The following MEGF10 variants were observed in gnomAD, a reference collection of about 807,000 sequenced individuals.
The protein encoded by MEGF10 is multiple EGF like domains 10, also known as multiple epidermal growth factor-like domains protein 10.
MEGF10 carries 86 observed loss-of-function variants against 147.5 expected under a neutral mutation model. The observed-to-expected ratio is 0.58, with a 90% CI of 0.49 to 0.70. The LOEUF (loss-of-function observed/expected upper bound fraction) is 0.70. Among genes scored for constraint, MEGF10 ranks in the 30% least tolerant of loss-of-function variants. The probability of loss-of-function intolerance (pLI) is 0.00; values close to 1 mark genes in which losing one functional copy is unlikely to be tolerated. For synonymous variants in MEGF10, 478 were observed against 525.5 expected, an observed-to-expected ratio of 0.91 and a Z score of 1.24; for missense variants, 1,329 against 1,487.3, an observed-to-expected ratio of 0.89 and a Z score of 1.75.
chr5:127,418,579 G>A (rs1355420934), intron 10 of MEGF10, among the ~76,000 whole-genome samples: 1 of 152,164 alleles, frequency 6.6e-6, no homozygotes, highest in Non-Finnish European at 1.5e-5. Flanking sequence ...TGTTTTGAAA[G>A]GAGATGACCT....
At chr5:127,441,791 CA>C (rs1371027406) in intron 18 of MEGF10, among the ~76,000 whole-genome samples, 1 of 152,086 alleles carries the variant, frequency 6.6e-6, no homozygotes, top group African/African-American at 2.4e-5. Context: ...AGGACTCTGA[CA>C]ATAAAGCACC....
At chr5:127,365,780 C>T (rs945203189) in intron 4 of MEGF10, among the ~76,000 whole-genome samples, 3 of 152,094 alleles carry the variant, frequency 2.0e-5, no homozygotes, top group African/African-American at 7.2e-5. Context: ...AAGATCGGTG[C>T]AGAAAAGAAA....
intron 1 of MEGF10, among the ~76,000 whole-genome samples, chr5:127,310,464 C>A (rs182955583): frequency 9.2e-5 from 14 of 152,204 alleles, no homozygotes; most frequent in Admixed American, 6.5e-4. Context: ...CTTTTAGTAT[C>A]ATATCCAAGA....
At chr5:127,286,363 G>A (rs1287188055), upstream of MEGF10, among the ~76,000 whole-genome samples, 5 of 151,972 alleles carry the variant, frequency 3.3e-5, no homozygotes, top group East Asian at 1.9e-4. Context: ...ATGAATACCC[G>A]AGATGCTCCC....
intron 1 of MEGF10, among the ~76,000 whole-genome samples, chr5:127,318,329 A>G (rs1760646747): frequency 6.6e-6 from 1 of 152,210 alleles, no homozygotes; most frequent in African/African-American, 2.4e-5. Flanking sequence ...CACCCATTGT[A>G]TCTTTACAGT....
chr5:127,364,870 C>A (rs556394467), intron 4 of MEGF10, among the ~76,000 whole-genome samples: 2 of 152,280 alleles, frequency 1.3e-5, no homozygotes, highest in South Asian at 4.1e-4. Flanking sequence ...CCATTAAAAT[C>A]CATCTTATGT....
intron 8 of MEGF10, among the ~76,000 whole-genome samples, chr5:127,403,635 T>A (rs1407344780): frequency 1.3e-5 from 2 of 152,186 alleles, no homozygotes; most frequent in Non-Finnish European, 2.9e-5. Context: ...CTACTCTCTG[T>A]GTCCATGAGT....
chr5:127,242,798 G>A, the MEGF10 span, among the ~76,000 whole-genome samples: 2 of 152,070 alleles, frequency 1.3e-5, no homozygotes, highest in South Asian at 2.1e-4. Flanking sequence ...AATGGTGATG[G>A]GTTTTGATCT....
chr5:127,367,667 G>A (rs1046362257), intron 4 of MEGF10, among the ~76,000 whole-genome samples: 1 of 152,094 alleles, frequency 6.6e-6, no homozygotes, highest in Non-Finnish European at 1.5e-5. Flanking sequence ...TCACTTTAAA[G>A]GCAAAGAGTA....
chr5:127,391,102 G>GCACACACACACACACACACA (rs70997334), intron 5 of MEGF10, among the ~76,000 whole-genome samples: 1 of 53,892 alleles, frequency 1.9e-5, no homozygotes, highest in African/African-American at 5.1e-5. Context: ...GCGCGCGCGC[G>GCACACACACACACACACACA]CACACACACA....
chr5:127,346,552 ATTGT>A (rs1418538626), intron 4 of MEGF10, among the ~76,000 whole-genome samples: 5 of 151,278 alleles, frequency 3.3e-5, no homozygotes, highest in East Asian at 3.9e-4. Context: ...TTTTGATGGG[ATTGT>A]TTGTTTGTTT....
At chr5:127,381,521 G>A (rs887585037) in intron 5 of MEGF10, among the ~76,000 whole-genome samples, 2 of 152,196 alleles carry the variant, frequency 1.3e-5, no homozygotes, top group African/African-American at 4.8e-5. Context: ...AGACCTGCTT[G>A]TTTCCCTCTC....
intron 4 of MEGF10, among the ~76,000 whole-genome samples, chr5:127,341,191 T>C (rs1442050565): frequency 6.6e-6 from 1 of 152,194 alleles, no homozygotes; most frequent in East Asian, 1.9e-4. Context: ...TTGAGAGAAG[T>C]TTCGTATCTT....
the MEGF10 span, among the ~76,000 whole-genome samples, chr5:127,265,628 G>A: frequency 6.6e-6 from 1 of 152,164 alleles, no homozygotes; most frequent in Non-Finnish European, 1.5e-5. Context: ...GGTGTGGTAT[G>A]GTATCTCATT....
rs764004112 is a variant in MEGF10 at position 127,396,729 on chromosome 5, G to T, written c.610G>T (p.Asp204Tyr). The T allele has an allele frequency of 1.2e-6, 2 of 1,613,922 alleles. No homozygotes were observed. Among genetic ancestry groups the T allele is most frequent in the Non-Finnish European group, 1.7e-6 (2 of 1,180,040 alleles). ...RCQCQNGATCDHVTGECRCPP... is the reference protein window; with the variant it reads ...RCQCQNGATCYHVTGECRCPP... ...CCAGTGCCAGAATGGAGCCACCTGCGACCACGTCACGGGGGAATGCCGCTG... is the reference window on the plus strand; with the variant it reads ...CCAGTGCCAGAATGGAGCCACCTGCTACCACGTCACGGGGGAATGCCGCTG... Residue 204 changes from aspartate (D) to tyrosine (Y), a missense_variant, in exon 6 of 25, where the codon GAC (aspartate) becomes TAC (tyrosine). Physicochemically the swap from Asp to Tyr is radical, Grantham distance 160. Coordinates refer to ENST00000503335, the MANE Select transcript of MEGF10 (RefSeq NM_001256545.2).
At chr5:127,326,396 C>T (rs1426594241) in intron 1 of MEGF10, among the ~76,000 whole-genome samples, 5 of 152,026 alleles carry the variant, frequency 3.3e-5, no homozygotes, top group African/African-American at 1.2e-4. Context: ...AATAGTCATA[C>T]CTGGATAATA....
At chr5:127,414,727 A>T (rs1764692485) in intron 9 of MEGF10, among the ~76,000 whole-genome samples, 1 of 152,218 alleles carries the variant, frequency 6.6e-6, no homozygotes, top group African/African-American at 2.4e-5. Flanking sequence ...TTATTCATTC[A>T]ATCTGCATTT....
intron 21 of MEGF10, among the ~76,000 whole-genome samples, chr5:127,448,693 A>G (rs1046006413): frequency 1.3e-5 from 2 of 152,192 alleles, no homozygotes; most frequent in African/African-American, 4.8e-5. Flanking sequence ...AAAGCAGATA[A>G]TCTTATCCTC....
chr5:127,441,474 C>A (rs559050662), intron 18 of MEGF10, among the ~76,000 whole-genome samples: 1 of 152,288 alleles, frequency 6.6e-6, no homozygotes, highest in East Asian at 1.9e-4. Flanking sequence ...AATTACTCAT[C>A]CTTATTTTTT....
Sources: gnomAD v4.1 joint callset for allele counts (sites outside exome capture counted in the v4.1 genomes callset) on GRCh38, gnomAD v4.1.1 for gene constraint, MANE v1.5 for transcripts, NCBI Gene and HGNC (gene_info 2026-07-23, HGNC 2026-07-21) for gene names.